The following CYP51A1 variants were observed in gnomAD, a reference collection of about 807,000 sequenced individuals.
CYP51A1 encodes the protein cytochrome P450 family 51 subfamily A member 1, also known as lanosterol 14-alpha demethylase.
In CYP51A1, 45 loss-of-function variants were observed where a neutral mutation model predicts 53.5. That is an observed-to-expected ratio of 0.84 (90% CI 0.66 to 1.08). CYP51A1 has a LOEUF of 1.08. CYP51A1 is among the 50% of genes least tolerant of loss of function. CYP51A1 has a pLI of 0.00. For missense variants in CYP51A1, 462 were observed against 621.7 expected, an observed-to-expected ratio of 0.74 and a Z score of 2.73; for synonymous variants, 181 against 217.7, an observed-to-expected ratio of 0.83 and a Z score of 1.48.
chr7:92,124,970 C>T (rs1195909020), intron 5 of CYP51A1, among the ~76,000 whole-genome samples: 2 of 151,966 alleles, frequency 1.3e-5, no homozygotes, highest in Non-Finnish European at 2.9e-5. Context: ...GGTGAAACCC[C>T]ATCTCTACTA....
chr7:92,115,070 T>C (rs1291259631), intron 9 of CYP51A1, among the ~76,000 whole-genome samples: 1 of 152,184 alleles, frequency 6.6e-6, no homozygotes, highest in East Asian at 1.9e-4. Flanking sequence ...AGTATCCTAA[T>C]TGAATCAACA....
At chr7:92,126,964 C>T (rs1381005550) in intron 4 of CYP51A1, among the ~76,000 whole-genome samples, 1 of 152,184 alleles carries the variant, frequency 6.6e-6, no homozygotes, top group Non-Finnish European at 1.5e-5. Flanking sequence ...CAATTAATTT[C>T]CTGTTAATTC....
Position 92,118,629 on chromosome 7 carries a change from G to A in CYP51A1, c.1087-14C>T. 7.3e-7 allele frequency: 1 copy of A among 1,374,842 alleles called. No homozygotes were observed. The highest frequency in any genetic ancestry group is 1.0e-6 in the Non-Finnish European group (1 of 962,306). The allele number at this position is 1,374,842 out of a possible 1,614,324, so 85.2% of individuals were successfully genotyped here. A position where few individuals can be genotyped will look rare whatever the true frequency, so the allele number is the denominator to read the frequency against. Reference sequence around the variant, plus strand: ...TAGATCCTTGAGCTAAAATGAGAAAGCATTTCCTGATTGTTATAAATAACA... The same window carrying A: ...TAGATCCTTGAGCTAAAATGAGAAAACATTTCCTGATTGTTATAAATAACA... On this transcript the variant is annotated splice_polypyrimidine_tract_variant and intron_variant, in intron 7 of 9. Coordinates refer to ENST00000003100, the MANE Select transcript of CYP51A1 (RefSeq NM_000786.4).
At position 92,126,401 on chromosome 7, in the gene CYP51A1, T is replaced by G. The variant is rs1469378177; in HGVS notation, c.622A>C (p.Ile208Leu). 6.2e-7 allele frequency: 1 copy of G among 1,613,616 alleles called. No homozygotes were observed. The highest frequency in any genetic ancestry group is 8.5e-7 in the Non-Finnish European group (1 of 1,179,808). ...KNVFEALSEL[I>L]ILTASHCLHG... The stretch of plus-strand genomic sequence containing the variant: ...AAACAATGGCTAGCTGTTAAAATTA[T>G]GAGCTCAGAAAGAGCTTCAAACACA... The change falls in exon 5 of 10, where the codon ATA becomes CTA. Residue 208 changes from isoleucine to leucine, a missense_variant. Coordinates refer to ENST00000003100, the MANE Select transcript of CYP51A1 (RefSeq NM_000786.4).
In CYP51A1 at chr7:92,131,717, A is replaced by T. The variant is rs560607486; in HGVS notation, c.291+57T>A. 220 of 971,046 alleles carry T rather than the reference A, an allele frequency of 2.3e-4. 1 individual carries two copies. In the African/African-American group the frequency reaches 3.5e-3, roughly 15 times the overall value. 60.2% of individuals were successfully genotyped at this position (971,046 alleles called of 1,614,324 possible). On this transcript the variant is annotated intron_variant, in intron 2 of 9. Transcript: ENST00000003100. ...TTCTGCCACTTTTTTAAAAAAGTTTAAAAAGCACTTCTCTAGTTGTTTTTT... is the reference window on the plus strand; with the variant it reads ...TTCTGCCACTTTTTTAAAAAAGTTTTAAAAGCACTTCTCTAGTTGTTTTTT...
Position 92,117,073 on chromosome 7 carries a change from T to C in CYP51A1, c.1322A>G (p.Glu441Gly). Residue 441 changes from glutamate (E) to glycine (G), a missense_variant, in exon 9 of 10, where the codon GAA becomes GGA. Glu to Gly is a moderately conservative substitution (Grantham distance 98, BLOSUM62 -2). Transcript: ENST00000003100. ...TCCAAATGGCACATAGGCAAACTTT[T>C]CCCCTGATGCTGGGTTATCCTGTAA... Reference protein sequence around the residue: ...RYLQDNPASGEKFAYVPFGAG... With the variant: ...RYLQDNPASGGKFAYVPFGAG... 1 of 1,613,202 alleles carries C rather than the reference T, an allele frequency of 6.2e-7. No individual in the cohort carries two copies. Among genetic ancestry groups the C allele is most frequent in the Non-Finnish European group, 8.5e-7 (1 of 1,179,806 alleles).
intron 1 of CYP51A1, 156 bp from the exon 2 acceptor site, chr7:92,132,028 G>A: frequency 1.8e-6 from 1 of 570,782 alleles, no homozygotes; most frequent in East Asian, 3.2e-5. Flanking sequence ...CTTGAGAACA[G>A]CCAAATTGCA....
At chr7:92,131,082 T>G (rs1458512868) in intron 2 of CYP51A1, among the ~76,000 whole-genome samples, 1 of 152,294 alleles carries the variant, frequency 6.6e-6, no homozygotes, top group East Asian at 1.9e-4. Context: ...CGACATGCCA[T>G]GGACCCAAAG....
At chr7:92,132,029 C>A in intron 1 of CYP51A1, 157 bp from the exon 2 acceptor site, 2 of 584,552 alleles carry the variant, frequency 3.4e-6, no homozygotes, top group Non-Finnish European at 6.3e-6. Flanking sequence ...TTGAGAACAG[C>A]CAAATTGCAA....
At chr7:92,116,139 G>A (rs867190119) in intron 9 of CYP51A1, among the ~76,000 whole-genome samples, 2 of 152,132 alleles carry the variant, frequency 1.3e-5, no homozygotes, top group Non-Finnish European at 2.9e-5. Flanking sequence ...GAGCGTGGTG[G>A]TACACACCTG....
At chr7:92,114,939 T>C (rs955515606) in intron 9 of CYP51A1, among the ~76,000 whole-genome samples, 8 of 152,340 alleles carry the variant, frequency 5.3e-5, no homozygotes, top group Non-Finnish European at 1.0e-4. Flanking sequence ...ACTGTACTTA[T>C]TTCTAGGAGT....
At chr7:92,125,303 A>G (rs1007979559) in intron 5 of CYP51A1, among the ~76,000 whole-genome samples, 2 of 152,026 alleles carry the variant, frequency 1.3e-5, no homozygotes, top group African/African-American at 4.8e-5. Flanking sequence ...ACTTTAGGGA[A>G]TCTCTCCTGG....
chr7:92,112,326 A>AGTT lies in CYP51A1; in HGVS notation c.*1336_*1338dup, dbSNP rs1190867173. The AGTT allele has an allele frequency of 1.3e-5, 2 of 152,228 alleles. No individual in the cohort carries two copies. Among genetic ancestry groups the AGTT allele is most frequent in the African/African-American group, 4.8e-5 (2 of 41,450 alleles). The allele number at this position is 152,228 out of a possible 1,614,324, so 9.4% of individuals were successfully genotyped here. A position where few individuals can be genotyped will look rare whatever the true frequency, so the allele number is the denominator to read the frequency against. On this transcript the variant is annotated 3_prime_UTR_variant, in exon 10 of 10. Coordinates refer to ENST00000003100, the MANE Select transcript of CYP51A1 (RefSeq NM_000786.4). The stretch of plus-strand genomic sequence containing the variant: ...TGGTATTTTTTCAGCCATCTCATAT[A>AGTT]GTTAGGCCCCGAGTTACAATTTGAG...
At chr7:92,126,862 A>G (rs1445506563) in intron 4 of CYP51A1, among the ~76,000 whole-genome samples, 2 of 152,246 alleles carry the variant, frequency 1.3e-5, no homozygotes, top group Non-Finnish European at 2.9e-5. Flanking sequence ...GCGATATGTA[A>G]AAGAAAACTA....
chr7:92,123,617 C>G (rs1395018709), intron 6 of CYP51A1, 117 bp downstream of exon 6: 2 of 995,226 alleles, frequency 2.0e-6, no homozygotes, highest in African/African-American at 3.3e-5. Flanking sequence ...GTCCAAAGAT[C>G]ACAGCTACCA....
chr7:92,117,129 T>C lies in CYP51A1; in HGVS notation c.1266A>G (p.Val422=). ...GATCAGGATTAAAGTCCAGGCGTTC[T>C]ACCCATGAGTCTTTAAGTCTTTGAT... ...TVNQRLKDSW[V]ERLDFNPDRY... The change falls in exon 9 of 10, where the codon GTA becomes GTG. Residue 422 remains valine, a synonymous_variant. Coordinates refer to ENST00000003100, the MANE Select transcript of CYP51A1 (RefSeq NM_000786.4). 2.5e-6 allele frequency: 4 copies of C among 1,614,100 alleles called. No individual in the cohort carries two copies. Among genetic ancestry groups the C allele is most frequent in the South Asian group, 1.1e-5 (1 of 91,076 alleles).
At chr7:92,123,360 C>T (rs1264699981) in intron 6 of CYP51A1, 45 bp from the exon 7 acceptor site, 4 of 1,474,258 alleles carry the variant, frequency 2.7e-6, no homozygotes, top group Non-Finnish European at 3.8e-6. Flanking sequence ...TTGGCAGATA[C>T]ATTTCATGCC....
At position 92,126,308 on chromosome 7, in the gene CYP51A1, C is replaced by T; in HGVS notation, c.715G>A (p.Gly239Ser). 6.2e-7 allele frequency: 1 copy of T among 1,611,712 alleles called. No individual in the cohort carries two copies. The highest frequency in any genetic ancestry group is 8.5e-7 in the Non-Finnish European group (1 of 1,179,534). ...VAQLYADLDG[G>S]FSHAAWLLPG... ...AAGAGCCAGGCTGCATGGCTGAAAC[C>T]TCCATCCAAATCTGCATACAGCTGT... Residue 239 changes from glycine to serine, a missense_variant, in exon 5 of 10, where the codon GGT (glycine) becomes AGT (serine). Transcript: ENST00000003100.
chr7:92,133,861 C>T (rs1819977138), intron 1 of CYP51A1, among the ~76,000 whole-genome samples: 1 of 152,188 alleles, frequency 6.6e-6, no homozygotes, highest in African/African-American at 2.4e-5. Flanking sequence ...TCAGTACAGA[C>T]CGCTACAACC....
Sources: allele counts gnomAD v4.1 joint callset (sites outside exome capture counted in the v4.1 genomes callset), GRCh38; gene constraint gnomAD v4.1.1; transcripts MANE v1.5; gene names NCBI Gene and HGNC (gene_info 2026-07-23, HGNC 2026-07-21).